BRCA1: variants seen among roughly 807,000 people sequenced by gnomAD.
The protein encoded by BRCA1 is BRCA1 DNA repair associated.
Under a neutral mutation model 173.7 loss-of-function variants are expected in BRCA1, and 140 were observed. The observed-to-expected ratio is 0.81, with a 90% CI of 0.70 to 0.93. BRCA1 has a LOEUF of 0.93. Ranked by LOEUF, BRCA1 falls within the 40% of genes least tolerant of loss-of-function variation. The pLI is 0.00. For synonymous variants in BRCA1, 662 were observed against 756.0 expected (o/e 0.88, Z 2.04); for missense variants, 1,983 against 2,172.5 (o/e 0.91, Z 1.73).
At chr17:43,155,247 G>A (rs2056189459) in intron 1 of BRCA1, among the ~76,000 whole-genome samples, 2 of 152,202 alleles carry the variant, frequency 1.3e-5, no homozygotes, top group Admixed American at 6.5e-5. Flanking sequence ...TCAGCTCTCT[G>A]TAACCTCTGC....
intron 2 of BRCA1, among the ~76,000 whole-genome samples, chr17:43,118,199 A>G (rs1156823556): frequency 2.6e-5 from 4 of 152,172 alleles, no homozygotes; most frequent in Non-Finnish European, 5.9e-5. Context: ...GAGGGAGCAG[A>G]GAAGGCAAAC....
chr17:43,134,344 G>A (rs2055998018), intron 1 of BRCA1, among the ~76,000 whole-genome samples: 1 of 152,178 alleles, frequency 6.6e-6, no homozygotes, highest in Admixed American at 6.5e-5. Flanking sequence ...TTTCAAAGAA[G>A]TGGGGTGGCT....
At chr17:43,119,276 G>GAAA in intron 2 of BRCA1, 1 of 188,462 alleles carries the variant, frequency 5.3e-6, no homozygotes, top group Non-Finnish European at 1.1e-5. Context: ...CTCAAAAAAA[G>GAAA]AAAAAAAAAA....
Position 43,155,044 on chromosome 17 carries a change from A to C in BRCA1, c.-20+15082T>G, listed in dbSNP as rs553170904. On this transcript the variant is annotated intron_variant, in intron 1 of 7. Transcript: ENST00000634433. Reference sequence around the variant, plus strand: ...CATGCCTGTGTATGCAGGACATCAGATAGGTCAAGGTGCTAAAATGTAATA... The same window carrying C: ...CATGCCTGTGTATGCAGGACATCAGCTAGGTCAAGGTGCTAAAATGTAATA... 2.0e-4 allele frequency among the ~76,000 whole-genome samples: 30 copies of C among 152,358 alleles called. 1 individual carries two copies. Among genetic ancestry groups the C allele is most frequent in the African/African-American group, 7.0e-4 (29 of 41,588 alleles).
rs753286589 is a variant in BRCA1 at position 43,092,445 on chromosome 17, T to C, written c.3086A>G (p.Asn1029Ser). 1 of 1,613,988 alleles carries C rather than the reference T, an allele frequency of 6.2e-7. No individual in the cohort carries two copies. Among genetic ancestry groups the C allele is most frequent in the Admixed American group, 1.7e-5 (1 of 60,016 alleles). ...TTTAAAAACATTTTCTCTAATGTTA[T>C]TACGGCTAATTGTGCTCACTGTACT... ...IPSTVSTISRNNIRENVFKEA... is the reference protein window; with the variant it reads ...IPSTVSTISRSNIRENVFKEA... Residue 1029 changes from asparagine (N) to serine (S), a missense_variant, in exon 10 of 23, where the codon AAT becomes AGT. Transcript: ENST00000357654.
rs397508848 is a variant in BRCA1 at position 43,094,297 on chromosome 17, CAT to C, written c.1232_1233del (p.Asp411GlyfsTer7). On this transcript the variant is annotated frameshift_variant, in exon 10 of 23. Transcript: ENST00000357654. LOFTEE classifies it high-confidence loss of function. ...TCTACCTCATTTAGAACGTCCAATACATCAGCTACTTTGGCATTTGATTCAGA... is the reference window on the plus strand; with the variant it reads ...TCTACCTCATTTAGAACGTCCAATACCAGCTACTTTGGCATTTGATTCAGA... ...GESESNAKVA[D>X]VLDVLNEVDE... The C allele has an allele frequency of 6.2e-7, 1 of 1,614,180 alleles. No homozygotes were observed. The highest frequency in any genetic ancestry group is 8.5e-7 in the Non-Finnish European group (1 of 1,180,036).
chr17:43,125,111 T>TCCCCCCC, intron 1 of BRCA1, 160 bp downstream of exon 1: 6 of 423,310 alleles, frequency 1.4e-5, no homozygotes, highest in South Asian at 3.2e-5. Context: ...ACCTACAAAC[T>TCCCCCCC]GCCCCCCTCC....
intron 1 of BRCA1, chr17:43,161,312 CT>C (rs1461528338): frequency 6.6e-6 from 1 of 152,330 alleles, no homozygotes; most frequent in Non-Finnish European, 1.5e-5. Flanking sequence ...CACGAGCCAT[CT>C]TGTGCCTAAG....
chr17:43,127,420 A>G (rs1356707149), upstream of BRCA1, among the ~76,000 whole-genome samples: 1 of 152,154 alleles, frequency 6.6e-6, no homozygotes, highest in African/African-American at 2.4e-5. Flanking sequence ...GTCTAGCTAA[A>G]GGATTGTAAA....
At position 43,134,715 on chromosome 17, in the gene BRCA1, T is replaced by C. The variant is rs528411466; in HGVS notation, c.-19-10600A>G. On this transcript the variant is annotated intron_variant, in intron 1 of 7. Coordinates refer to the BRCA1 transcript ENST00000634433. ...TGCACTAAACACACTCAGACCCATCTAACCTAAAATTGAGAAAGGGAGGTT... is the reference window on the plus strand; with the variant it reads ...TGCACTAAACACACTCAGACCCATCCAACCTAAAATTGAGAAAGGGAGGTT... Among the ~76,000 whole-genome samples, 3 of 152,336 alleles carry C rather than the reference T, an allele frequency of 2.0e-5. No homozygotes were observed. The South Asian group carries it at 6.2e-4, about 32-fold the overall frequency.
At chr17:43,101,946 C>T (rs1442043596) in intron 6 of BRCA1, among the ~76,000 whole-genome samples, 1 of 151,994 alleles carries the variant, frequency 6.6e-6, no homozygotes, top group South Asian at 2.1e-4. Flanking sequence ...CAGTCACCTG[C>T]GCTGGAGTCC....
At chr17:43,167,483 G>C (rs1483182650) in intron 1 of BRCA1, 1 of 152,106 alleles carries the variant, frequency 6.6e-6, no homozygotes, top group African/African-American at 2.4e-5. Flanking sequence ...GAACAAAACA[G>C]GAAAGGCATT....
intron 1 of BRCA1, chr17:43,140,125 C>G (rs896469215): frequency 1.5e-5 from 5 of 329,002 alleles, no homozygotes; most frequent in African/African-American, 1.1e-4. Context: ...CTCGATCATG[C>G]CTGCGTGACA....
rs398122691 is a variant in BRCA1, at chr17:43,063,897, C to T, written c.5129G>A (p.Gly1710Glu). Residue 1710 changes from glycine to glutamate, a missense_variant, in exon 17 of 23, where the codon GGA becomes GAA. Coordinates refer to ENST00000357654, the MANE Select transcript of BRCA1 (RefSeq NM_007294.4). Reference protein sequence around the residue: ...TLKYFLGIAGGKWVVSYFWVT... With the variant: ...TLKYFLGIAGEKWVVSYFWVT... Reference sequence around the variant, plus strand: ...ACAGAAATAGCTAACTACCCATTTTCCTCCCGCAATTCCTAGAAAATATTT... The same window carrying T: ...ACAGAAATAGCTAACTACCCATTTTTCTCCCGCAATTCCTAGAAAATATTT... 1.9e-6 allele frequency: 3 copies of T among 1,613,844 alleles called. No homozygotes were observed. The highest frequency in any genetic ancestry group is 1.7e-5 in the Admixed American group (1 of 59,976).
chr17:43,137,479 A>T (rs982701684), intron 1 of BRCA1, among the ~76,000 whole-genome samples: 25 of 151,562 alleles, frequency 1.6e-4, no homozygotes, highest in African/African-American at 5.1e-4. Context: ...TGGGAGATTG[A>T]TGTAGGGGAG....
At chr17:43,128,123 C>T (rs567001190), upstream of BRCA1, among the ~76,000 whole-genome samples, 32 of 151,458 alleles carry the variant, frequency 2.1e-4, 1 homozygote, top group South Asian at 6.5e-3. Context: ...TGTTCTTGTG[C>T]TCTTTGCAAT....
chr17:43,122,838 A>T (rs1308175977), intron 2 of BRCA1, among the ~76,000 whole-genome samples: 1 of 151,808 alleles, frequency 6.6e-6, no homozygotes, highest in Non-Finnish European at 1.5e-5. Flanking sequence ...CAAGGTCAGG[A>T]GATCAAGACT....
At chr17:43,052,294 TTGAAGAGA>T (rs2051274510) in intron 19 of BRCA1, among the ~76,000 whole-genome samples, 1 of 152,170 alleles carries the variant, frequency 6.6e-6, no homozygotes, top group Admixed American at 6.5e-5. Flanking sequence ...TTCTTTTTTT[TTGAAGAGA>T]TGAGGTCTCA....
chr17:43,107,062 A>ATTTTT (rs35202419), intron 3 of BRCA1, among the ~76,000 whole-genome samples: 6 of 126,834 alleles, frequency 4.7e-5, no homozygotes, highest in South Asian at 4.9e-4. Context: ...TACCAAGACA[A>ATTTTT]TTTTTTTTTT....
Sources: allele counts gnomAD v4.1 joint callset (sites outside exome capture counted in the v4.1 genomes callset), GRCh38; gene constraint gnomAD v4.1.1; transcripts MANE v1.5; gene names NCBI Gene and HGNC (gene_info 2026-07-23, HGNC 2026-07-21).